Variants in ESRRG observed in about 807,000 individuals in gnomAD.
ESRRG encodes estrogen-related receptor gamma.
In ESRRG, 13 loss-of-function variants were observed where a neutral mutation model predicts 44.0. The ratio of observed to expected loss-of-function variants is 0.30; its 90% CI spans 0.19 to 0.47. The LOEUF (loss-of-function observed/expected upper bound fraction) is 0.47, where lower values mean the gene tolerates loss of function less well. Ranked by LOEUF, ESRRG falls within the 20% of genes least tolerant of loss-of-function variation. The pLI is 1.00. For missense variants in ESRRG, 395 were observed against 580.6 expected (o/e 0.68, Z 3.29); for synonymous variants, 215 against 214.6 (o/e 1.00, Z -0.02).
At chr1:216,559,788 T>C (rs571472736) in intron 5 of ESRRG, among the ~76,000 whole-genome samples, 19 of 152,324 alleles carry the variant, frequency 1.2e-4, no homozygotes, top group African/African-American at 4.6e-4. Flanking sequence ...GCTTGGTGGA[T>C]GATATAATCT....
intron 3 of ESRRG, among the ~76,000 whole-genome samples, chr1:216,594,655 C>G (rs2058180172): frequency 6.6e-6 from 1 of 152,178 alleles, no homozygotes; most frequent in African/African-American, 2.4e-5. Flanking sequence ...ACAGCTCTAT[C>G]GTTTTCTTGC....
chr1:216,708,664 C>T (rs550137653), intron 1 of ESRRG, among the ~76,000 whole-genome samples: 3 of 152,218 alleles, frequency 2.0e-5, no homozygotes, highest in Admixed American at 6.5e-5. Flanking sequence ...GGTGATTCCT[C>T]GAGGATGTAG....
rs2086015057 is a variant in ESRRG at position 216,720,546 on chromosome 1, T to G, written c.56+2698A>C. 2.0e-5 allele frequency among the ~76,000 whole-genome samples: 3 copies of G among 152,094 alleles called. No individual in the cohort carries two copies. The South Asian group carries it at 6.2e-4, about 31-fold the overall frequency. ...CTTATCATTCCCTAAAAAAAAGGCATCCCCTCTGATCTCGGCTTTTTTGTT... is the reference window on the plus strand; with the variant it reads ...CTTATCATTCCCTAAAAAAAAGGCAGCCCCTCTGATCTCGGCTTTTTTGTT... On this transcript the variant is annotated intron_variant, in intron 1 of 6. Coordinates refer to ENST00000408911, the MANE Select transcript of ESRRG (RefSeq NM_001438.4).
At chr1:216,534,400 T>A (rs537940760) in intron 5 of ESRRG, among the ~76,000 whole-genome samples, 3 of 152,210 alleles carry the variant, frequency 2.0e-5, no homozygotes, top group African/African-American at 7.2e-5. Context: ...ATATATGAGA[T>A]GTTATTCCTG....
chr1:216,842,115 A>C (rs1282042435), intron 2 of ESRRG, among the ~76,000 whole-genome samples: 1 of 152,182 alleles, frequency 6.6e-6, no homozygotes, highest in Non-Finnish European at 1.5e-5. Context: ...GAAAGACTAA[A>C]ACAAAACATC....
intron 2 of ESRRG, among the ~76,000 whole-genome samples, chr1:216,902,093 A>G: frequency 1.3e-5 from 2 of 152,314 alleles, no homozygotes; most frequent in Non-Finnish European, 2.9e-5. Flanking sequence ...GATCTTCTCA[A>G]GACATCTCTC....
chr1:216,926,016 G>A (rs928886902), intron 2 of ESRRG, among the ~76,000 whole-genome samples: 6 of 152,288 alleles, frequency 3.9e-5, no homozygotes, highest in Non-Finnish European at 8.8e-5. Context: ...CAATCTGAGC[G>A]AGCATGAGAA....
Position 216,519,338 on chromosome 1 carries a change from G to T in ESRRG, c.946C>A (p.Arg316=). 6.2e-7 allele frequency: 1 copy of T among 1,613,532 alleles called. No homozygotes were observed. The highest frequency in any genetic ancestry group is 8.5e-7 in the Non-Finnish European group (1 of 1,179,642). ...MEILILGVVY[R]SLSFEDELVY... The stretch of plus-strand genomic sequence containing the variant: ...AGTTCATCCTCAAACGAAAGAGACC[G>T]GTATACGACACCAAGGATCAAAATT... Residue 316 remains arginine, a synonymous_variant, in exon 6 of 7, where the codon CGG becomes AGG. Transcript: ENST00000408911.
chr1:216,981,986 A>G (rs1203693409), intron 1 of ESRRG, among the ~76,000 whole-genome samples: 5 of 152,156 alleles, frequency 3.3e-5, no homozygotes, highest in African/African-American at 9.7e-5. Context: ...TCCATTTGCC[A>G]TGTATTGAAG....
At chr1:217,013,381 A>G (rs1560470767) in intron 1 of ESRRG, among the ~76,000 whole-genome samples, 1 of 152,258 alleles carries the variant, frequency 6.6e-6, no homozygotes, top group Non-Finnish European at 1.5e-5. Context: ...GAGAACTAAC[A>G]TGATGTTAAG....
intron 1 of ESRRG, among the ~76,000 whole-genome samples, chr1:217,127,508 A>G (rs1185547421): frequency 6.6e-6 from 1 of 152,230 alleles, no homozygotes; most frequent in Non-Finnish European, 1.5e-5. Flanking sequence ...AATGCATAAT[A>G]GGTACTCGAT....
At chr1:217,100,565 G>T (rs568458161) in intron 1 of ESRRG, among the ~76,000 whole-genome samples, 1 of 152,166 alleles carries the variant, frequency 6.6e-6, no homozygotes, top group South Asian at 2.1e-4. Context: ...GTAAATACCT[G>T]TCACTGGGTA....
intron 2 of ESRRG, among the ~76,000 whole-genome samples, chr1:216,931,722 T>C (rs1336366433): frequency 6.6e-6 from 1 of 151,468 alleles, no homozygotes; most frequent in Non-Finnish European, 1.5e-5. Flanking sequence ...CTATGAGCTG[T>C]GGGAAGCAGG....
At chr1:217,116,815 G>A (rs1343119986) in intron 1 of ESRRG, among the ~76,000 whole-genome samples, 1 of 152,062 alleles carries the variant, frequency 6.6e-6, no homozygotes, top group Non-Finnish European at 1.5e-5. Context: ...CAGCCCATTG[G>A]GATGGTGGTA....
intron 1 of ESRRG, among the ~76,000 whole-genome samples, chr1:216,699,739 A>T (rs981939448): frequency 6.6e-6 from 1 of 152,170 alleles, no homozygotes; most frequent in African/African-American, 2.4e-5. Flanking sequence ...AAAGCTGGAA[A>T]ACCTTCAACA....
At chr1:216,891,796 T>A (rs1022378737) in intron 2 of ESRRG, among the ~76,000 whole-genome samples, 1 of 119,540 alleles carries the variant, frequency 8.4e-6, no homozygotes, top group African/African-American at 4.8e-5. Flanking sequence ...GGTGCCCGCT[T>A]TTTTTTTTTT....
intron 2 of ESRRG, among the ~76,000 whole-genome samples, chr1:216,736,259 T>C (rs969604790): frequency 7.0e-6 from 1 of 143,292 alleles, no homozygotes; most frequent in Non-Finnish European, 1.5e-5. Context: ...CTCTACTCAC[T>C]GCAAGCTCCG....
At chr1:216,726,633 A>G (rs536033773), upstream of ESRRG, among the ~76,000 whole-genome samples, 74 of 152,300 alleles carry the variant, frequency 4.9e-4, 1 homozygote, top group Admixed American at 2.0e-3. Flanking sequence ...TACCCAAATC[A>G]AGAAAAACTG....
chr1:216,593,118 G>A (rs1857402), intron 3 of ESRRG, among the ~76,000 whole-genome samples: 1,777 of 152,288 alleles, frequency 0.012, 37 homozygotes, highest in African/African-American at 0.04. Flanking sequence ...AACAGCCACC[G>A]AAATAAGTTG....
Sources: gnomAD v4.1 joint callset for allele counts (sites outside exome capture counted in the v4.1 genomes callset) on GRCh38, gnomAD v4.1.1 for gene constraint, MANE v1.5 for transcripts, NCBI Gene and HGNC (gene_info 2026-07-23, HGNC 2026-07-21) for gene names.